The following SCO2 variants were observed in gnomAD, a reference collection of about 807,000 sequenced individuals.
SCO2 encodes synthesis of cytochrome C oxidase 2, also known as cytochrome c oxidase assembly factor SCO2.
For missense variants in SCO2, 429 were observed against 348.7 expected (o/e 1.23, Z -1.83); for synonymous variants, 195 against 148.6 (o/e 1.31, Z -2.27).
At chr22:50,525,919 C>A (rs773785934), upstream of SCO2, 1 of 1,514,628 alleles carries the variant, frequency 6.6e-7, no homozygotes, top group Non-Finnish European at 8.8e-7. Context: ...CAGGGGGTCC[C>A]TGCAGAGCGA....
Position 50,524,448 on chromosome 22 carries a change from G to A in SCO2, c.-13-24C>T, listed in dbSNP as rs775456301. The A allele has an allele frequency of 6.2e-6, 10 of 1,604,544 alleles. No homozygotes were observed. In the African/African-American group the frequency reaches 9.4e-5, roughly 15 times the overall value. On this transcript the variant is annotated intron_variant, in intron 1 of 1. Coordinates refer to ENST00000395693, the MANE Select transcript of SCO2 (RefSeq NM_005138.3). ...TCCTGGAAACAAGCACAGGCGTCAG[G>A]AGCCAGAAGGGAAGGCCCAGGACAG...
At chr22:50,525,971 CG>C (rs1189368437), upstream of SCO2, 2 of 1,378,082 alleles carry the variant, frequency 1.5e-6, no homozygotes, top group South Asian at 1.6e-5. Context: ...GGCGGGGGTG[CG>C]GGGCCAGCAG....
chr22:50,524,547 C>A (rs1240277687), intron 1 of SCO2, 123 bp from the exon 2 acceptor site: 1 of 868,580 alleles, frequency 1.2e-6, no homozygotes, highest in Non-Finnish European at 1.9e-6. Context: ...GCTTAACAGG[C>A]ATTTGCAGCT....
chr22:50,523,802 T>A lies in SCO2; in HGVS notation c.610A>T (p.Ser204Cys). The A allele has an allele frequency of 6.2e-7, 1 of 1,613,902 alleles. No homozygotes were observed. The highest frequency in any genetic ancestry group is 8.5e-7 in the Non-Finnish European group (1 of 1,179,822). ...CCTGCATTGTAGTACACGCGGTAAC[T>A]GTGACTAGCCTGGGCAACCTGTTTG... ...STKQVAQASHSYRVYYNAGPK... is the reference protein window; with the variant it reads ...STKQVAQASHCYRVYYNAGPK... Residue 204 changes from serine (S) to cysteine (C), a missense_variant, in exon 2 of 2, where the codon AGT becomes TGT. Ser to Cys is a moderately radical substitution (Grantham distance 112). Transcript: ENST00000395693.
At chr22:50,525,936 G>C, upstream of SCO2, 1 of 1,438,748 alleles carries the variant, frequency 7.0e-7, no homozygotes, top group Non-Finnish European at 9.1e-7. Flanking sequence ...GCGAGGGGCT[G>C]TTAGAGGCCG....
At chr22:50,526,230 C>T (rs546420200), upstream of SCO2, 18 of 1,522,650 alleles carry the variant, frequency 1.2e-5, no homozygotes, top group East Asian at 4.4e-4. Context: ...AGGACGGGGA[C>T]TCCCCCGACG....
In SCO2 at chr22:50,524,339, T is replaced by G. The variant is rs2069232491; in HGVS notation, c.73A>C (p.Thr25Pro). ...SQLKPRVLPG[T>P]LGGQALHLRS... ...AGATGCAGGGCCTGGCCTCCCAGGG[T>G]CCCAGGGAGGACCCGAGGCTTGAGC... Residue 25 changes from threonine (T) to proline (P), a missense_variant, in exon 2 of 2, where the codon ACC (threonine) becomes CCC (proline). Coordinates refer to ENST00000395693, the MANE Select transcript of SCO2 (RefSeq NM_005138.3). 1.9e-6 allele frequency: 3 copies of G among 1,601,386 alleles called. No homozygotes were observed. In the South Asian group the frequency reaches 3.3e-5, roughly 18 times the overall value.
Position 50,524,213 on chromosome 22 carries a change from A to G in SCO2, c.199T>C (p.Phe67Leu), listed in dbSNP as rs777171930. The change falls in exon 2 of 2, where the codon TTC (phenylalanine) becomes CTC (leucine). Residue 67 changes from phenylalanine (F) to leucine (L), a missense_variant. By Grantham distance (22) the Phe-to-Leu change is conservative (BLOSUM62 0). Coordinates refer to ENST00000395693, the MANE Select transcript of SCO2 (RefSeq NM_005138.3). ...CAGGCCCCACCGAGTCCAGCCCCGA[A>G]CAGGCCTGTGATCAGCAGCCGGGTT... ...LRTRLLITGL[F>L]GAGLGGAWLA... The G allele has an allele frequency of 1.2e-6, 2 of 1,608,122 alleles. No individual in the cohort carries two copies. The highest frequency in any genetic ancestry group is 1.7e-5 in the Admixed American group (1 of 60,008).
chr22:50,525,750 G>A (rs113234862), upstream of SCO2: 18 of 1,608,696 alleles, frequency 1.1e-5, no homozygotes, highest in African/African-American at 2.7e-5. Context: ...GCACTGACAA[G>A]GTTTCGCGGC....
In SCO2 at chr22:50,524,173, GC is replaced by G. The variant is rs2069220045; in HGVS notation, c.238del (p.Ala80LeufsTer46). The G allele has an allele frequency of 3.7e-6, 6 of 1,609,814 alleles. No homozygotes were observed. The highest frequency in any genetic ancestry group is 4.2e-6 in the Non-Finnish European group (5 of 1,179,984). Reference sequence around the variant, plus strand: ...TTGCTGCTGCAGCCTCTCCTTCTCAGCCCTCAGGGCCAGCCAGGCCCCACCG... The same window carrying G: ...TTGCTGCTGCAGCCTCTCCTTCTCAGCCTCAGGGCCAGCCAGGCCCCACCG... ...GLGGAWLALRAEKERLQQQKR... is the reference protein window; with the variant it reads ...GLGGAWLALRXEKERLQQQKR... On this transcript the variant is annotated frameshift_variant, in exon 2 of 2. Transcript: ENST00000395693. LOFTEE classifies it low-confidence loss of function (END_TRUNC).
intron 1 of SCO2, among the ~76,000 whole-genome samples, chr22:50,525,108 G>A (rs2148674489): frequency 6.6e-6 from 1 of 152,244 alleles, no homozygotes; most frequent in Admixed American, 6.5e-5. Context: ...GGTTTGCTAG[G>A]TGGAGGTCTC....
At chr22:50,525,757 C>T (rs764637512), upstream of SCO2, 9 of 1,609,542 alleles carry the variant, frequency 5.6e-6, no homozygotes, top group African/African-American at 2.7e-5. Context: ...CAAGGTTTCG[C>T]GGCAAAGGAG....
At position 50,524,852 on chromosome 22, in the gene SCO2, CACTTCA is replaced by C. The variant is rs150594282; in HGVS notation, c.-13-434_-13-429del. On this transcript the variant is annotated intron_variant, in intron 1 of 1. Transcript: ENST00000395693. ...CCAACACTTTCCTGTTACCTCCAGC[CACTTCA>C]ACCAACCGCGGCCTTCCTCCACACT... 921 of 362,936 alleles carry C rather than the reference CACTTCA, an allele frequency of 2.5e-3. 10 individuals carry two copies. Among genetic ancestry groups the C allele is most frequent in the African/African-American group, 0.019 (871 of 47,062 alleles). 22.5% of individuals were successfully genotyped at this position (362,936 alleles called of 1,614,324 possible).
At position 50,524,025 on chromosome 22, in the gene SCO2, G is replaced by A. The variant is rs2069210790; in HGVS notation, c.387C>T (p.Gly129=). 1 of 1,613,598 alleles carries A rather than the reference G, an allele frequency of 6.2e-7. No individual in the cohort carries two copies. The highest frequency in any genetic ancestry group is 8.5e-7 in the Non-Finnish European group (1 of 1,180,032). ...GGCAGATGTCAGGGCAGTGAGTGAA[G>A]CCAAAGTACATCAGCACCCACTGGC... ...FRGQWVLMYF[G]FTHCPDICPD... The change falls in exon 2 of 2, where the codon GGC becomes GGT. Residue 129 remains glycine, a synonymous_variant. Coordinates refer to ENST00000395693, the MANE Select transcript of SCO2 (RefSeq NM_005138.3).
chr22:50,524,094 CA>C lies in SCO2; in HGVS notation c.317del (p.Leu106ArgfsTer20). ...QAAVGQGDFHLLDHRGRARCK... is the reference protein window; with the variant it reads ...QAAVGQGDFHXLDHRGRARCK... ...AGCGAGCCCGGCCTCTGTGATCCAG[CA>C]GGTGGAAGTCGCCCTGGCCCACAGC... On this transcript the variant is annotated frameshift_variant, in exon 2 of 2. Transcript: ENST00000395693. LOFTEE classifies it low-confidence loss of function (END_TRUNC). The C allele has an allele frequency of 1.9e-6, 3 of 1,613,126 alleles. No individual in the cohort carries two copies. Among genetic ancestry groups the C allele is most frequent in the Non-Finnish European group, 2.5e-6 (3 of 1,180,020 alleles).
Position 50,523,632 on chromosome 22 carries a change from A to AGCC in SCO2, c.777_779dup (p.Ala260dup), listed in dbSNP as rs769127245. The AGCC allele has an allele frequency of 6.2e-7, 1 of 1,613,708 alleles. No individual in the cohort carries two copies. The highest frequency in any genetic ancestry group is 1.7e-5 in the Admixed American group (1 of 60,026). Reference sequence around the variant, plus strand: ...TGGCTCAAGACAGGACACTGCGGAAAGCCGCCATGTGCCGCCGCACACTGT... The same window carrying AGCC: ...TGGCTCAAGACAGGACACTGCGGAAAGCCGCCGCCATGTGCCGCCGCACACTGT... On this transcript the variant is annotated inframe_insertion, in exon 2 of 2. Coordinates refer to ENST00000395693, the MANE Select transcript of SCO2 (RefSeq NM_005138.3).
At chr22:50,525,731 C>A, upstream of SCO2, 1 of 1,599,592 alleles carries the variant, frequency 6.3e-7, no homozygotes, top group South Asian at 1.1e-5. Flanking sequence ...TCCTTCCGCT[C>A]CCGCCCAAGC....
At chr22:50,526,321 A>T (rs1234223900), upstream of SCO2, 2 of 1,562,630 alleles carry the variant, frequency 1.3e-6, no homozygotes, top group Admixed American at 3.5e-5. Context: ...GGACTTCCCG[A>T]GCACAGGGCT....
upstream of SCO2, chr22:50,525,953 C>G: frequency 7.2e-7 from 1 of 1,393,064 alleles, no homozygotes; most frequent in East Asian, 3.0e-5. Context: ...GCCGCGCGGC[C>G]GGAGCTGGGC....
Sources: allele counts gnomAD v4.1 joint callset (sites outside exome capture counted in the v4.1 genomes callset), GRCh38; gene constraint gnomAD v4.1.1; transcripts MANE v1.5; gene names NCBI Gene and HGNC (gene_info 2026-07-23, HGNC 2026-07-21).